Variants in COLEC12 observed in about 807,000 individuals in gnomAD.
COLEC12 encodes collectin-12.
A neutral mutation model predicts 71.1 loss-of-function variants in COLEC12; 33 were observed. That is an observed-to-expected ratio of 0.46 (90% confidence interval 0.35 to 0.62). The LOEUF (loss-of-function observed/expected upper bound fraction) is 0.62, where lower values mean the gene tolerates loss of function less well. Ranked by LOEUF, COLEC12 falls within the 20% of genes least tolerant of loss-of-function variation. The pLI is 0.00. For missense variants in COLEC12, 765 were observed against 916.1 expected (o/e 0.84, Z 2.13); for synonymous variants, 350 against 353.0 (o/e 0.99, Z 0.10).
chr18:473,402 G>C (rs898665888), intron 2 of COLEC12, among the ~76,000 whole-genome samples: 4 of 152,044 alleles, frequency 2.6e-5, no homozygotes, highest in African/African-American at 9.7e-5. Context: ...TCGCTCTGTT[G>C]CCCAGGCTGG....
chr18:488,778 CAGG>C (rs1157226564), intron 1 of COLEC12, among the ~76,000 whole-genome samples: 2 of 151,574 alleles, frequency 1.3e-5, no homozygotes, highest in African/African-American at 2.4e-5. Context: ...GAGGCTGAGG[CAGG>C]AGAATTGCTT....
At chr18:322,511 C>G (rs982811748) in intron 8 of COLEC12, among the ~76,000 whole-genome samples, 19 of 152,168 alleles carry the variant, frequency 1.2e-4, no homozygotes, top group African/African-American at 4.6e-4. Flanking sequence ...GGCTTCTTAA[C>G]TTGGATGCTG....
chr18:461,914 C>T (rs1192631844), intron 2 of COLEC12, among the ~76,000 whole-genome samples: 1 of 152,120 alleles, frequency 6.6e-6, no homozygotes, highest in Non-Finnish European at 1.5e-5. Context: ...TGGTAGCAAA[C>T]CAAAGTGTAT....
chr18:406,940 T>G (rs975456995), intron 2 of COLEC12, among the ~76,000 whole-genome samples: 19 of 152,336 alleles, frequency 1.2e-4, no homozygotes, highest in Non-Finnish European at 1.9e-4. Flanking sequence ...GTAGGCAGCT[T>G]CACTCCCTAG....
chr18:403,002 C>T (rs1645874166), intron 2 of COLEC12, among the ~76,000 whole-genome samples: 1 of 152,104 alleles, frequency 6.6e-6, no homozygotes, highest in Admixed American at 6.6e-5. Flanking sequence ...GAGGACTTTT[C>T]AATACTCAGT....
rs1020997372 is a variant in COLEC12 at position 408,895 on chromosome 18, C to T, written c.59-51373G>A. On this transcript the variant is annotated intron_variant, in intron 2 of 9. Coordinates refer to ENST00000400256, the MANE Select transcript of COLEC12 (RefSeq NM_130386.3). The surrounding 1 kb of genome is among the most constrained non-coding windows in gnomAD (Gnocchi z 4.3). ...CTGCCCAGGCTGGAGGGCAGTGGCA[C>T]GATCTTGACTCACTGCAACCTCCAC... 6.6e-5 allele frequency among the ~76,000 whole-genome samples: 10 copies of T among 152,188 alleles called. No individual in the cohort carries two copies. The highest frequency in any genetic ancestry group is 1.2e-4 in the African/African-American group (5 of 41,526).
intron 2 of COLEC12, among the ~76,000 whole-genome samples, chr18:427,749 T>A (rs1291048908): frequency 6.6e-6 from 1 of 152,152 alleles, no homozygotes; most frequent in Admixed American, 6.5e-5. Flanking sequence ...CTACATTTAT[T>A]TGGGGCCTAC....
intron 1 of COLEC12, among the ~76,000 whole-genome samples, chr18:490,183 T>C (rs1487463096): frequency 6.6e-6 from 1 of 152,222 alleles, no homozygotes; most frequent in East Asian, 1.9e-4. Flanking sequence ...AGAGGCCACC[T>C]GGAGAGAGAG....
chr18:462,521 G>A (rs1296069787), intron 2 of COLEC12, among the ~76,000 whole-genome samples: 1 of 152,184 alleles, frequency 6.6e-6, no homozygotes, highest in Non-Finnish European at 1.5e-5. Flanking sequence ...GGGTGAAAGG[G>A]AGTTGGAGGG....
chr18:415,810 G>A (rs1269655551), intron 2 of COLEC12, among the ~76,000 whole-genome samples: 1 of 152,182 alleles, frequency 6.6e-6, no homozygotes, highest in African/African-American at 2.4e-5. Context: ...GGAAAAAATA[G>A]CTTCACAACT....
intron 2 of COLEC12, among the ~76,000 whole-genome samples, chr18:368,528 C>T (rs552334086): frequency 6.6e-6 from 1 of 152,036 alleles, no homozygotes; most frequent in Admixed American, 6.6e-5. Flanking sequence ...GAGCCGAAAT[C>T]CCACCAGTAC....
At chr18:407,444 C>T (rs1010102752) in intron 2 of COLEC12, among the ~76,000 whole-genome samples, 125 of 152,250 alleles carry the variant, frequency 8.2e-4, no homozygotes, top group African/African-American at 2.7e-3. Context: ...AGTCTGAAAG[C>T]CAAGGCTCAA....
At chr18:380,488 A>ATATTT (rs1555616010) in intron 2 of COLEC12, among the ~76,000 whole-genome samples, 3 of 32,410 alleles carry the variant, frequency 9.3e-5, no homozygotes, top group Non-Finnish European at 2.2e-4. Flanking sequence ...CAAGAATGGT[A>ATATTT]TCTTTTCATC....
intron 2 of COLEC12, among the ~76,000 whole-genome samples, chr18:359,381 T>G (rs577663596): frequency 2.5e-4 from 38 of 152,332 alleles, no homozygotes; most frequent in African/African-American, 9.1e-4. Context: ...ACAAGTAATC[T>G]TATAATTAAC....
chr18:478,089 T>G (rs964914928), intron 2 of COLEC12, among the ~76,000 whole-genome samples: 8 of 152,180 alleles, frequency 5.3e-5, no homozygotes, highest in African/African-American at 1.9e-4. Context: ...GGAACCAGAT[T>G]GGGTGTCCAG....
chr18:500,611 G>A lies in COLEC12; in HGVS notation c.-97C>T, dbSNP rs1389317427. The stretch of plus-strand genomic sequence containing the variant: ...AGCGGCTGCTCACCGCACGCCCATG[G>A]TAGCCGCGCCGCGCGCCGGCCGTCT... On this transcript the variant is annotated 5_prime_UTR_variant, in exon 1 of 10. Transcript: ENST00000400256. This position sits in a 1 kb window ranked among gnomAD's most constrained non-coding sequence, Gnocchi z 5.3. The A allele has an allele frequency of 1.9e-6, 2 of 1,044,712 alleles. No homozygotes were observed. Among genetic ancestry groups the A allele is most frequent in the East Asian group, 3.8e-5 (1 of 26,666 alleles). The allele number at this position is 1,044,712 out of a possible 1,614,324, so 64.7% of individuals were successfully genotyped here.
At chr18:377,580 G>A (rs958037242) in intron 2 of COLEC12, among the ~76,000 whole-genome samples, 3 of 152,204 alleles carry the variant, frequency 2.0e-5, no homozygotes, top group African/African-American at 4.8e-5. Context: ...CACAGGCCTT[G>A]TTGCTCAAAG....
chr18:406,231 C>T (rs575456386), intron 2 of COLEC12, among the ~76,000 whole-genome samples: 7 of 152,270 alleles, frequency 4.6e-5, no homozygotes, highest in South Asian at 2.1e-4. Flanking sequence ...GCAACCAGGC[C>T]GGGCGCAGTG....
intron 2 of COLEC12, among the ~76,000 whole-genome samples, chr18:452,188 A>G (rs367968971): frequency 2.0e-5 from 3 of 152,306 alleles, no homozygotes; most frequent in Middle Eastern, 3.4e-3. Context: ...ACCGTGTTGG[A>G]AAAAAACTTG....
Sources: gnomAD v4.1 joint callset for allele counts (sites outside exome capture counted in the v4.1 genomes callset) on GRCh38, gnomAD v4.1.1 for gene constraint, Gnocchi (gnomAD v3.1) non-coding constraint, MANE v1.5 for transcripts, NCBI Gene and HGNC (gene_info 2026-07-23, HGNC 2026-07-21) for gene names.